Variants in LYZL1 observed in about 807,000 individuals in gnomAD.
LYZL1 encodes lysozyme-like protein 1.
LYZL1 carries 16 observed loss-of-function variants against 17.9 expected under a neutral mutation model. The observed-to-expected ratio is 0.90, with a 90% CI of 0.61 to 1.36. The LOEUF (loss-of-function observed/expected upper bound fraction) is 1.36, where lower values mean the gene tolerates loss of function less well. LYZL1 is among the 40% of genes most tolerant of loss of function. The pLI, the probability that LYZL1 is intolerant of heterozygous loss-of-function variation, is 0.00. For synonymous variants in LYZL1, 58 were observed against 71.8 expected (o/e 0.81, Z 0.97); for missense variants, 149 against 188.4 (o/e 0.79, Z 1.22).
At chr10:29,306,822 GT>G in intron 3 of LYZL1, among the ~76,000 whole-genome samples, 1 of 141,216 alleles carries the variant, frequency 7.1e-6, no homozygotes, top group Non-Finnish European at 1.5e-5. Flanking sequence ...GTGTGTGTGT[GT>G]GTGTGTGAAA....
chr10:29,305,296 T>C (rs1022097710), intron 3 of LYZL1, among the ~76,000 whole-genome samples: 1 of 152,234 alleles, frequency 6.6e-6, no homozygotes, highest in African/African-American at 2.4e-5. Flanking sequence ...CTTGAAAAAT[T>C]AATAAAGTAT....
chr10:29,294,373 T>C (rs1024269613), intron 3 of LYZL1, among the ~76,000 whole-genome samples: 3 of 152,150 alleles, frequency 2.0e-5, no homozygotes, highest in Middle Eastern at 3.2e-3. Context: ...GCAGAGACCA[T>C]TTAAGTGTCA....
chr10:29,296,139 C>G (rs1322363433), intron 3 of LYZL1, among the ~76,000 whole-genome samples: 1 of 152,152 alleles, frequency 6.6e-6, no homozygotes, highest in Non-Finnish European at 1.5e-5. Flanking sequence ...TCTCCTCCCT[C>G]TTGGTGTCCT....
downstream of LYZL1, among the ~76,000 whole-genome samples, chr10:29,314,140 G>T (rs931398261): frequency 6.6e-6 from 1 of 152,108 alleles, no homozygotes; most frequent in Non-Finnish European, 1.5e-5. Flanking sequence ...CTCCCCTGCA[G>T]CCTATTCAAG....
intron 3 of LYZL1, among the ~76,000 whole-genome samples, chr10:29,309,751 C>A (rs1052190644): frequency 3.3e-5 from 5 of 152,202 alleles, no homozygotes; most frequent in African/African-American, 1.2e-4. Context: ...CCACCTCAGC[C>A]TCCCAAACTG....
intron 1 of LYZL1, among the ~76,000 whole-genome samples, chr10:29,289,440 A>C (rs1835331569): frequency 7.4e-6 from 1 of 135,742 alleles, no homozygotes; most frequent in African/African-American, 2.9e-5. Context: ...TTTTTTAGAC[A>C]GGGTCTCTCA....
At chr10:29,310,453 A>G (rs954159660) in intron 4 of LYZL1, among the ~76,000 whole-genome samples, 3 of 151,700 alleles carry the variant, frequency 2.0e-5, no homozygotes, top group African/African-American at 7.3e-5. Context: ...GGAGAAAGGT[A>G]TTTTCTAAAG....
At chr10:29,301,889 T>C (rs1215048396) in intron 3 of LYZL1, among the ~76,000 whole-genome samples, 1 of 148,932 alleles carries the variant, frequency 6.7e-6, no homozygotes, top group Non-Finnish European at 1.5e-5. Context: ...TTTCCATTGT[T>C]ATGTCTTCAA....
chr10:29,317,510 T>C (rs769963885), intron 4 of LYZL1: 27 of 152,230 alleles, frequency 1.8e-4, no homozygotes, highest in Non-Finnish European at 2.9e-4. Flanking sequence ...TGCCATTACC[T>C]TAGCTCCAGG....
At chr10:29,309,490 G>C (rs1588663875) in intron 3 of LYZL1, among the ~76,000 whole-genome samples, 1 of 151,962 alleles carries the variant, frequency 6.6e-6, no homozygotes, top group East Asian at 1.9e-4. Context: ...GTGCTATCCT[G>C]TCTTATGTGC....
At chr10:29,297,850 A>C (rs1835467266) in intron 3 of LYZL1, among the ~76,000 whole-genome samples, 1 of 152,210 alleles carries the variant, frequency 6.6e-6, no homozygotes, top group African/African-American at 2.4e-5. Flanking sequence ...TTTGAAAATA[A>C]AAGTTCCATA....
At chr10:29,317,454 T>C (rs2796292) in intron 4 of LYZL1, 68,010 of 152,042 alleles carry the variant, frequency 0.45, 15,406 homozygotes, top group Middle Eastern at 0.52. Flanking sequence ...GGTTGGTACG[T>C]AGAGAAAACA....
intron 3 of LYZL1, among the ~76,000 whole-genome samples, chr10:29,307,490 T>A (rs1425404895): frequency 6.6e-6 from 1 of 152,218 alleles, no homozygotes; most frequent in Non-Finnish European, 1.5e-5. Flanking sequence ...TATAAACATA[T>A]TTTTATCCAT....
At chr10:29,304,950 C>T (rs1304661689) in intron 3 of LYZL1, among the ~76,000 whole-genome samples, 1 of 152,162 alleles carries the variant, frequency 6.6e-6, no homozygotes, top group Non-Finnish European at 1.5e-5. Flanking sequence ...CAATATGGCC[C>T]CACCGTCCCA....
chr10:29,312,642 G>A (rs1835687001), downstream of LYZL1, among the ~76,000 whole-genome samples: 1 of 152,138 alleles, frequency 6.6e-6, no homozygotes, highest in Non-Finnish European at 1.5e-5. Flanking sequence ...TGGTGACATG[G>A]CAGTGAGCTG....
At chr10:29,309,028 G>A (rs1045559414) in intron 3 of LYZL1, among the ~76,000 whole-genome samples, 24 of 151,712 alleles carry the variant, frequency 1.6e-4, no homozygotes, top group African/African-American at 5.6e-4. Context: ...AAAACTTTTT[G>A]CATATGAAAA....
chr10:29,306,796 A>ATGTGTGTGTG (rs35332190), intron 3 of LYZL1, among the ~76,000 whole-genome samples: 6,160 of 141,076 alleles, frequency 0.044, 122 homozygotes, highest in African/African-American at 0.068. Flanking sequence ...CCGCTTATGT[A>ATGTGTGTGTG]TGTGTGTGTG....
intron 4 of LYZL1, among the ~76,000 whole-genome samples, chr10:29,317,695 G>A (rs74131357): frequency 0.082 from 12,448 of 152,204 alleles, 590 homozygotes; most frequent in South Asian, 0.13. Flanking sequence ...GGGAATAACA[G>A]TATTTGCCAT....
intron 3 of LYZL1, among the ~76,000 whole-genome samples, chr10:29,308,160 C>T (rs866750925): frequency 2.0e-5 from 3 of 152,212 alleles, no homozygotes; most frequent in East Asian, 1.9e-4. Flanking sequence ...TAAGGAAAGA[C>T]GTGCTGCCCC....
Sources: gnomAD v4.1 joint callset for allele counts (sites outside exome capture counted in the v4.1 genomes callset) on GRCh38, gnomAD v4.1.1 for gene constraint, MANE v1.5 for transcripts, NCBI Gene and HGNC (gene_info 2026-07-23, HGNC 2026-07-21) for gene names.